The following SOS1 variants were observed in gnomAD, a reference collection of about 807,000 sequenced individuals.
SOS1 encodes the protein SOS Ras/Rac guanine nucleotide exchange factor 1.
In SOS1, 25 loss-of-function variants were observed where a neutral mutation model predicts 157.6. That is an observed-to-expected ratio of 0.16 (90% CI 0.12 to 0.22). The LOEUF is 0.22. Among genes scored for constraint, SOS1 ranks in the 10% least tolerant of loss-of-function variants. The pLI is 1.00. For synonymous variants in SOS1, 528 were observed against 534.0 expected, an observed-to-expected ratio of 0.99 and a Z score of 0.16; for missense variants, 1,237 against 1,599.1, an observed-to-expected ratio of 0.77 and a Z score of 3.86.
At chr2:38,993,111 A>G (rs1311600697) in intron 20 of SOS1, 2 of 151,724 alleles carry the variant, frequency 1.3e-5, no homozygotes, top group Admixed American at 6.6e-5. Context: ...AAAAGACTCC[A>G]TGACCTTCAG....
chr2:39,078,770 G>A (rs748850569), intron 1 of SOS1, among the ~76,000 whole-genome samples: 33 of 151,706 alleles, frequency 2.2e-4, no homozygotes, highest in Non-Finnish European at 4.0e-4. Flanking sequence ...TGCCAAAAAG[G>A]TTGGGGACTG....
At chr2:39,001,290 T>G (rs1669089374) in intron 17 of SOS1, among the ~76,000 whole-genome samples, 1 of 152,230 alleles carries the variant, frequency 6.6e-6, no homozygotes, top group Admixed American at 6.5e-5. Context: ...CTTGAACTCC[T>G]GGCCCTAAGC....
Position 38,996,994 on chromosome 2 carries a change from C to A in SOS1, c.3009G>T (p.Lys1003Asn). Residue 1003 changes from lysine (K) to asparagine (N), a missense_variant, in exon 19 of 23, where the codon AAG becomes AAT. Coordinates refer to ENST00000402219, the MANE Select transcript of SOS1 (RefSeq NM_005633.4). Reference protein sequence around the residue: ...NLNPMGNSMEKEFTDYLFNKS... With the variant: ...NLNPMGNSMENEFTDYLFNKS... ...TGTTGAAAAGATAATCTGTAAATTCCTTCTCCATGCTATTTCCCATCGGAT... is the reference window on the plus strand; with the variant it reads ...TGTTGAAAAGATAATCTGTAAATTCATTCTCCATGCTATTTCCCATCGGAT... 6.2e-7 allele frequency: 1 copy of A among 1,606,842 alleles called. No homozygotes were observed. Among genetic ancestry groups the A allele is most frequent in the Non-Finnish European group, 8.5e-7 (1 of 1,173,752 alleles).
chr2:39,120,288 C>G (rs1394569707), intron 1 of SOS1, 48 bp downstream of exon 1: 5 of 1,505,904 alleles, frequency 3.3e-6, no homozygotes, highest in African/African-American at 1.4e-5. Context: ...CCCCAGCGCC[C>G]GCGCTGGGGG....
Position 38,986,330 on chromosome 2 carries a change from G to T in SOS1, c.3511-15C>A. The T allele has an allele frequency of 1.2e-6, 2 of 1,604,158 alleles. No homozygotes were observed. Among genetic ancestry groups the T allele is most frequent in the South Asian group, 1.1e-5 (1 of 90,764 alleles). On this transcript the variant is annotated splice_polypyrimidine_tract_variant and intron_variant, in intron 22 of 22. Transcript: ENST00000402219. ...TTAGACATAATCTAACAAATGAAAA[G>T]AATAAAATACACATTTATTAATAAA...
At chr2:39,076,981 T>C (rs541832551) in intron 1 of SOS1, among the ~76,000 whole-genome samples, 1 of 152,290 alleles carries the variant, frequency 6.6e-6, no homozygotes, top group South Asian at 2.1e-4. Context: ...GAAAATATAA[T>C]TTTTTAATGA....
intron 2 of SOS1, among the ~76,000 whole-genome samples, chr2:39,061,049 C>G (rs145895848): frequency 1.9e-4 from 29 of 151,834 alleles, no homozygotes; most frequent in African/African-American, 6.3e-4. Flanking sequence ...TTATGTCTAC[C>G]TCATTCCAGG....
chr2:39,123,285 T>A (rs1056138586), upstream of SOS1, among the ~76,000 whole-genome samples: 6 of 152,182 alleles, frequency 3.9e-5, no homozygotes, highest in African/African-American at 1.4e-4. Context: ...ATCAGTCCTC[T>A]ATTTTTGGTT....
At chr2:39,016,621 C>A (rs759554078) in intron 10 of SOS1, among the ~76,000 whole-genome samples, 1 of 152,130 alleles carries the variant, frequency 6.6e-6, no homozygotes, top group South Asian at 2.1e-4. Context: ...TAGAGAGATG[C>A]TGAGTTGTCA....
chr2:39,042,980 C>T (rs945126763), intron 6 of SOS1, among the ~76,000 whole-genome samples: 4 of 152,068 alleles, frequency 2.6e-5, no homozygotes, highest in African/African-American at 7.2e-5. Context: ...ACAAATAGGA[C>T]AACTTTGTCT....
chr2:39,081,960 C>A (rs892840817), intron 1 of SOS1, among the ~76,000 whole-genome samples: 5 of 152,130 alleles, frequency 3.3e-5, no homozygotes, highest in Admixed American at 2.6e-4. Context: ...TTATGGGGTA[C>A]ATAAGATACT....
upstream of SOS1, chr2:39,124,428 A>C (rs6726833): frequency 0.2 from 30,203 of 152,306 alleles, 5,062 homozygotes; most frequent in African/African-American, 0.45. Context: ...ATAGGCGAAG[A>C]CCGAGAGGGG....
At chr2:39,014,643 T>C in intron 11 of SOS1, 122 bp downstream of exon 11, 1 of 525,856 alleles carries the variant, frequency 1.9e-6, no homozygotes, top group Non-Finnish European at 3.5e-6. Context: ...GAGATTTTAT[T>C]TATTGAAAAA....
intron 1 of SOS1, among the ~76,000 whole-genome samples, chr2:39,110,437 T>C (rs1292827492): frequency 6.6e-6 from 1 of 151,948 alleles, no homozygotes; most frequent in African/African-American, 2.4e-5. Context: ...ACACGAATCA[T>C]GTAATTTTCA....
chr2:39,056,836 C>G lies in SOS1; in HGVS notation c.376G>C (p.Val126Leu), dbSNP rs755770649. 1 of 1,610,606 alleles carries G rather than the reference C, an allele frequency of 6.2e-7. No homozygotes were observed. Among genetic ancestry groups the G allele is most frequent in the Non-Finnish European group, 8.5e-7 (1 of 1,177,202 alleles). Residue 126 changes from valine (V) to leucine (L), a missense_variant, in exon 4 of 23, where the codon GTT becomes CTT. Coordinates refer to ENST00000402219, the MANE Select transcript of SOS1 (RefSeq NM_005633.4). ...AAGACTGCTACTATGTAAACAGAAA[C>G]CTGGTGGTCAATTTTATAACCTAGG... ...EVLGYKIDHQ[V>L]SVYIVAVLEY... is the part of the protein sequence containing the mutation.
At chr2:39,078,797 C>T (rs1423696083) in intron 1 of SOS1, among the ~76,000 whole-genome samples, 1 of 152,160 alleles carries the variant, frequency 6.6e-6, no homozygotes, top group East Asian at 1.9e-4. Context: ...CGCGGTGATT[C>T]ATGCCTGTAA....
At chr2:39,048,339 C>T (rs998058744) in intron 6 of SOS1, among the ~76,000 whole-genome samples, 5 of 152,126 alleles carry the variant, frequency 3.3e-5, no homozygotes, top group Non-Finnish European at 5.9e-5. Flanking sequence ...TAAAGAGAAA[C>T]GTGCTGCCAT....
At chr2:39,027,639 G>GCAT (rs1349157344) in intron 8 of SOS1, among the ~76,000 whole-genome samples, 1 of 152,140 alleles carries the variant, frequency 6.6e-6, no homozygotes, top group Non-Finnish European at 1.5e-5. Flanking sequence ...CAACAAAGCA[G>GCAT]CATCCTCTTG....
At chr2:39,079,187 T>G (rs903554214) in intron 1 of SOS1, among the ~76,000 whole-genome samples, 3 of 1,808 alleles carry the variant, frequency 1.7e-3, no homozygotes, top group South Asian at 7.0e-3. Context: ...AAAATGAATA[T>G]TACTTACCAG....
Sources: gnomAD v4.1 joint callset for allele counts (sites outside exome capture counted in the v4.1 genomes callset) on GRCh38, gnomAD v4.1.1 for gene constraint, MANE v1.5 for transcripts, NCBI Gene and HGNC (gene_info 2026-07-23, HGNC 2026-07-21) for gene names.